TAF4: variants seen among roughly 807,000 people sequenced by gnomAD.
TAF4 encodes the protein TATA-box binding protein associated factor 4.
A neutral mutation model predicts 90.3 loss-of-function variants in TAF4; 9 were observed. That is an observed-to-expected ratio of 0.10 (90% CI 0.06 to 0.17). TAF4 has a LOEUF of 0.17. TAF4 is among the 10% of genes least tolerant of loss of function. The pLI is 1.00. For synonymous variants in TAF4, 818 were observed against 638.9 expected (o/e 1.28, Z -4.23); for missense variants, 1,351 against 1,370.7 (o/e 0.99, Z 0.23).
intron 1 of TAF4, among the ~76,000 whole-genome samples, chr20:62,025,535 G>A (rs530856134): frequency 6.6e-6 from 1 of 152,278 alleles, no homozygotes; most frequent in South Asian, 2.1e-4. Flanking sequence ...CCCCCAGGCG[G>A]TTCTCATGAT....
chr20:62,023,499 G>C (rs1172126690), intron 1 of TAF4, among the ~76,000 whole-genome samples: 1 of 152,020 alleles, frequency 6.6e-6, no homozygotes, highest in Non-Finnish European at 1.5e-5. Flanking sequence ...AGAAAGCTCA[G>C]CACTTCGGAA....
intron 14 of TAF4, among the ~76,000 whole-genome samples, chr20:61,992,220 G>A (rs2055636134): frequency 6.6e-6 from 1 of 152,176 alleles, no homozygotes; most frequent in Admixed American, 6.5e-5. Context: ...GAAAGGGAGA[G>A]CTTATGGTGT....
chr20:62,024,551 T>C (rs888382258), intron 1 of TAF4, among the ~76,000 whole-genome samples: 2 of 152,216 alleles, frequency 1.3e-5, no homozygotes, highest in Non-Finnish European at 2.9e-5. Context: ...CCAGAATGTA[T>C]GCAGAATCCT....
At chr20:61,980,466 C>T (rs1341596103) in intron 14 of TAF4, 1 of 152,320 alleles carries the variant, frequency 6.6e-6, no homozygotes, top group Non-Finnish European at 1.5e-5. Context: ...TAACAATAGC[C>T]TATGCCGCAC....
chr20:61,986,925 T>C (rs1264878265), intron 14 of TAF4, among the ~76,000 whole-genome samples: 3 of 152,228 alleles, frequency 2.0e-5, no homozygotes, highest in African/African-American at 7.2e-5. Flanking sequence ...GGCAGCGTCC[T>C]TGCGAATGCC....
At chr20:62,022,137 G>A (rs1461855074) in intron 1 of TAF4, among the ~76,000 whole-genome samples, 4 of 151,980 alleles carry the variant, frequency 2.6e-5, no homozygotes, top group Non-Finnish European at 4.4e-5. Context: ...ATGGTATCAC[G>A]AAAGTGTCTG....
intron 5 of TAF4, among the ~76,000 whole-genome samples, chr20:62,008,399 G>C (rs1483260974): frequency 1.3e-5 from 2 of 152,210 alleles, no homozygotes; most frequent in African/African-American, 4.8e-5. Context: ...TGAGGCTGAG[G>C]AAGGTGGACA....
At chr20:62,007,763 G>A in intron 5 of TAF4, 127 bp from the exon 6 acceptor site, 4 of 869,676 alleles carry the variant, frequency 4.6e-6, no homozygotes, top group Non-Finnish European at 7.0e-6. Flanking sequence ...CAGAGGAGAT[G>A]GGAAAGTCTG....
At chr20:61,998,061 C>T in intron 13 of TAF4, 75 bp downstream of exon 13, 1 of 1,442,492 alleles carries the variant, frequency 6.9e-7, no homozygotes, top group African/African-American at 1.4e-5. Context: ...GCCACGGTTT[C>T]CTTAGCCCCC....
Position 61,975,939 on chromosome 20 carries a change from A to C in TAF4, c.*229T>G, listed in dbSNP as rs1296337207. The C allele has an allele frequency of 1.9e-6, 1 of 520,716 alleles. No homozygotes were observed. Among genetic ancestry groups the C allele is most frequent in the African/African-American group, 1.9e-5 (1 of 52,942 alleles). 32.3% of individuals were successfully genotyped at this position (520,716 alleles called of 1,614,324 possible). A position where few individuals can be genotyped will look rare whatever the true frequency, so the allele number is the denominator to read the frequency against. ...GGCTTGTTTGGCAGGAAGGCCACTC[A>C]ATCAAGATGAGTTAAGATTTAATTG... On this transcript the variant is annotated 3_prime_UTR_variant, in exon 15 of 15. Coordinates refer to ENST00000252996, the MANE Select transcript of TAF4 (RefSeq NM_003185.4).
chr20:62,056,967 A>C (rs557778367), intron 1 of TAF4, among the ~76,000 whole-genome samples: 5 of 152,234 alleles, frequency 3.3e-5, no homozygotes, highest in Admixed American at 3.3e-4. Flanking sequence ...CAAAGCTCCA[A>C]AGCAAGGCAG....
chr20:62,021,985 C>T (rs949380242), intron 1 of TAF4, among the ~76,000 whole-genome samples: 4 of 152,130 alleles, frequency 2.6e-5, no homozygotes, highest in Non-Finnish European at 4.4e-5. Flanking sequence ...AGGCACACAG[C>T]GGCCAGCGGC....
intron 1 of TAF4, among the ~76,000 whole-genome samples, chr20:62,055,904 C>A (rs965331210): frequency 4.6e-5 from 7 of 152,232 alleles, no homozygotes; most frequent in Admixed American, 4.6e-4. Flanking sequence ...CTGGTACCCT[C>A]ATCAGCCTTC....
At chr20:62,009,946 G>T in intron 4 of TAF4, 100 bp downstream of exon 4, 3 of 1,556,596 alleles carry the variant, frequency 1.9e-6, no homozygotes, top group East Asian at 2.3e-5. Context: ...AGCAGTGAGC[G>T]GTCTGGGACA....
intron 1 of TAF4, among the ~76,000 whole-genome samples, chr20:62,047,532 C>T (rs1016293345): frequency 7.2e-5 from 11 of 152,154 alleles, no homozygotes; most frequent in Non-Finnish European, 1.6e-4. Context: ...CACCCCCGCA[C>T]AAGAAAGGGG....
intron 9 of TAF4, among the ~76,000 whole-genome samples, chr20:62,002,218 G>C (rs1456164971): frequency 1.3e-5 from 2 of 152,198 alleles, no homozygotes; most frequent in African/African-American, 4.8e-5. Context: ...CTGGGCCCAG[G>C]CATGCTGGCC....
In TAF4 at chr20:61,998,211, GA is replaced by G; in HGVS notation, c.2914-20del. Reference sequence around the variant, plus strand: ...ACCGAGACTATTTTTGAAAGAGGCAGAAAAGAAAAGTAAGTTATGAACTAAA... The same window carrying G: ...ACCGAGACTATTTTTGAAAGAGGCAGAAAGAAAAGTAAGTTATGAACTAAA... On this transcript the variant is annotated intron_variant, in intron 12 of 14. Transcript: ENST00000252996. 6.2e-7 allele frequency: 1 copy of G among 1,610,024 alleles called. No homozygotes were observed. Among genetic ancestry groups the G allele is most frequent in the South Asian group, 1.1e-5 (1 of 90,078 alleles).
chr20:61,998,709 G>A (rs766270672), intron 12 of TAF4, among the ~76,000 whole-genome samples: 1 of 152,218 alleles, frequency 6.6e-6, no homozygotes, highest in Non-Finnish European at 1.5e-5. Context: ...GCGCACACAG[G>A]GGGCTCTAGG....
rs1568926153 is a variant in TAF4, at chr20:61,997,588, T to A, written c.3052A>T (p.Arg1018Trp). ...ALAAIGPRKK[R>W]KVDCPGPGSG... ...CCCGGCCCCGGACAGTCCACTTTCC[T>A]CTTTTTCCTGGGCCCGATCGCTGCT... The change falls in exon 14 of 15, where the codon AGG becomes TGG. Residue 1018 changes from arginine (R) to tryptophan (W), a missense_variant. This residue lies in a region of TAF4 where 48 missense variants were observed against 50.6 expected (regional missense o/e 0.95). Transcript: ENST00000252996. 6.2e-7 allele frequency: 1 copy of A among 1,613,758 alleles called. No individual in the cohort carries two copies. The highest frequency in any genetic ancestry group is 8.5e-7 in the Non-Finnish European group (1 of 1,179,904).
Sources: gnomAD v4.1 joint callset for allele counts (sites outside exome capture counted in the v4.1 genomes callset) on GRCh38, gnomAD v4.1.1 for gene constraint, gnomAD v4.1.1 regional missense constraint, MANE v1.5 for transcripts, NCBI Gene and HGNC (gene_info 2026-07-23, HGNC 2026-07-21) for gene names.